The following ELP4 variants were observed in gnomAD, a reference collection of about 807,000 sequenced individuals.
The protein encoded by ELP4 is elongator complex protein 4.
Under a neutral mutation model 48.9 loss-of-function variants are expected in ELP4, and 51 were observed. The observed-to-expected ratio is 1.04, with a 90% CI of 0.83 to 1.32. The LOEUF is 1.32. ELP4 is among the 40% of genes most tolerant of loss of function. The probability of loss-of-function intolerance (pLI) is 0.00; values close to 1 mark genes in which losing one functional copy is unlikely to be tolerated. For missense variants in ELP4, 519 were observed against 514.6 expected, an observed-to-expected ratio of 1.01 and a Z score of -0.08; for synonymous variants, 210 against 189.2, an observed-to-expected ratio of 1.11 and a Z score of -0.90.
intron 9 of ELP4, among the ~76,000 whole-genome samples, chr11:31,714,087 C>A (rs956685325): frequency 1.3e-5 from 2 of 152,028 alleles, no homozygotes; most frequent in Non-Finnish European, 2.9e-5. Context: ...AAAAGACCAG[C>A]ACTGTATGAT....
intron 9 of ELP4, among the ~76,000 whole-genome samples, chr11:31,693,995 T>A (rs888463116): frequency 6.6e-6 from 1 of 152,208 alleles, no homozygotes; most frequent in African/African-American, 2.4e-5. Flanking sequence ...CTTCGCCCAC[T>A]TTTTGATGGG....
Position 31,561,535 on chromosome 11 carries a change from G to A in ELP4, c.381+21752G>A, listed in dbSNP as rs533038518. Among the ~76,000 whole-genome samples, 20 of 152,148 alleles carry A rather than the reference G, an allele frequency of 1.3e-4. No homozygotes were observed. In the East Asian group the frequency reaches 3.1e-3, roughly 24 times the overall value. ...CAGCTCACTGTACCCTCCACCTACC[G>A]GGTTCAAGCGATTCTCCTGCCTCAG... On this transcript the variant is annotated intron_variant, in intron 3 of 9. Transcript: ENST00000640961.
chr11:31,777,161 G>A (rs757271648), intron 9 of ELP4, among the ~76,000 whole-genome samples: 26 of 151,754 alleles, frequency 1.7e-4, no homozygotes, highest in Non-Finnish European at 3.4e-4. Flanking sequence ...TTATATAATA[G>A]CATATAACAT....
intron 4 of ELP4, among the ~76,000 whole-genome samples, chr11:31,598,410 G>C (rs922968810): frequency 6.6e-6 from 1 of 150,950 alleles, no homozygotes; most frequent in Non-Finnish European, 1.5e-5. Flanking sequence ...TTAGAGTCTG[G>C]TGTACCTGCC....
intron 9 of ELP4, among the ~76,000 whole-genome samples, chr11:31,720,359 T>C (rs542010347): frequency 9.4e-4 from 143 of 152,194 alleles, no homozygotes; most frequent in Non-Finnish European, 1.6e-3. Flanking sequence ...ACATTATTCA[T>C]GGAATCATGA....
chr11:31,652,962 A>G (rs1201698539), intron 9 of ELP4: 1 of 151,650 alleles, frequency 6.6e-6, no homozygotes, highest in African/African-American at 2.4e-5. Flanking sequence ...ATGTGTATGA[A>G]AACTGATTAT....
chr11:31,762,607 T>C (rs757356054), intron 9 of ELP4, among the ~76,000 whole-genome samples: 9 of 152,010 alleles, frequency 5.9e-5, no homozygotes, highest in Non-Finnish European at 1.2e-4. Flanking sequence ...TTCCTGTAGA[T>C]TACAGTCATT....
Position 31,747,047 on chromosome 11 carries a change from GTGTGTGTT to G in ELP4, c.1144-36338_1144-36331del, listed in dbSNP as rs1947611083. 3.3e-5 allele frequency among the ~76,000 whole-genome samples: 5 copies of G among 152,192 alleles called. No homozygotes were observed. In the South Asian group the frequency reaches 1.0e-3, roughly 32 times the overall value. On this transcript the variant is annotated intron_variant, in intron 9 of 9. Coordinates refer to ENST00000640961, the MANE Select transcript of ELP4 (RefSeq NM_019040.5). ...CCAGACTAACACTGTGTGTGTGTGT[GTGTGTGTT>G]TGTGTGTGTCTGTGTCACTGACTGT...
chr11:31,663,241 C>A (rs1266955921), intron 9 of ELP4: 1 of 151,644 alleles, frequency 6.6e-6, no homozygotes, highest in Non-Finnish European at 1.5e-5. Context: ...TTAAAGAAAC[C>A]TTTTTTAAAA....
chr11:31,558,379 C>T (rs1237273321), intron 3 of ELP4, among the ~76,000 whole-genome samples: 2 of 151,986 alleles, frequency 1.3e-5, no homozygotes, highest in African/African-American at 2.4e-5. Context: ...GAGAATAAAC[C>T]GACTCTCCAA....
At chr11:31,664,548 T>G (rs1408286036) in intron 9 of ELP4, 1 of 152,136 alleles carries the variant, frequency 6.6e-6, no homozygotes, top group African/African-American at 2.4e-5. Context: ...AGAAAATATT[T>G]GGAAAGTTAT....
chr11:31,707,555 T>G (rs1292283504), intron 9 of ELP4: 1 of 152,190 alleles, frequency 6.6e-6, no homozygotes, highest in East Asian at 1.9e-4. Context: ...ATGGTTGGTA[T>G]TTTCTTTTTT....
chr11:31,668,606 G>T (rs1324653324), intron 9 of ELP4, among the ~76,000 whole-genome samples: 1 of 149,316 alleles, frequency 6.7e-6, no homozygotes, highest in Non-Finnish European at 1.5e-5. Context: ...AATTATAGGT[G>T]TTCGCCACCG....
At chr11:31,636,957 T>C (rs902334749) in intron 7 of ELP4, among the ~76,000 whole-genome samples, 1 of 151,990 alleles carries the variant, frequency 6.6e-6, no homozygotes, top group Non-Finnish European at 1.5e-5. Flanking sequence ...TCATATTGTC[T>C]CTTGATAGAA....
At chr11:31,778,780 C>A (rs1373565536) in intron 9 of ELP4, among the ~76,000 whole-genome samples, 2 of 152,208 alleles carry the variant, frequency 1.3e-5, no homozygotes, top group Admixed American at 6.5e-5. Flanking sequence ...AAGTCCTGGC[C>A]ACCTCTGTTA....
intron 7 of ELP4, among the ~76,000 whole-genome samples, chr11:31,639,901 T>C (rs560715813): frequency 4.3e-4 from 66 of 152,116 alleles, no homozygotes; most frequent in Non-Finnish European, 8.1e-4. Context: ...GTTCCTATAA[T>C]GGTAGTAGTT....
intron 9 of ELP4, chr11:31,719,610 G>A (rs914789239): frequency 5.0e-6 from 2 of 396,522 alleles, no homozygotes. Flanking sequence ...AGAAAAAAAT[G>A]TTCTATGTTT....
chr11:31,636,244 T>C (rs996773625), intron 7 of ELP4, among the ~76,000 whole-genome samples: 5 of 151,964 alleles, frequency 3.3e-5, no homozygotes, highest in African/African-American at 1.2e-4. Context: ...ATATGAATAC[T>C]TGAGCTTGGG....
chr11:31,663,661 C>T (rs1471376886), intron 9 of ELP4: 1 of 151,878 alleles, frequency 6.6e-6, no homozygotes, highest in Non-Finnish European at 1.5e-5. Context: ...TAAGCGGGTG[C>T]TATGAAGTCT....
Sources: gnomAD v4.1 joint callset for allele counts (sites outside exome capture counted in the v4.1 genomes callset) on GRCh38, gnomAD v4.1.1 for gene constraint, MANE v1.5 for transcripts, NCBI Gene and HGNC (gene_info 2026-07-23, HGNC 2026-07-21) for gene names.